Variants in LRP1B observed in about 807,000 individuals in gnomAD.
LRP1B encodes low-density lipoprotein receptor-related protein 1B.
A neutral mutation model predicts 556.6 loss-of-function variants in LRP1B; 217 were observed. The ratio of observed to expected loss-of-function variants is 0.39; its 90% CI spans 0.35 to 0.44. LRP1B has a LOEUF of 0.44. LRP1B is among the 20% of genes least tolerant of loss of function. The pLI, the probability that LRP1B is intolerant of heterozygous loss-of-function variation, is 1.00. For missense variants in LRP1B, 5,053 were observed against 5,620.8 expected, an observed-to-expected ratio of 0.90 and a Z score of 3.23; for synonymous variants, 2,047 against 1,865.8, an observed-to-expected ratio of 1.10 and a Z score of -2.50.
At chr2:140,806,887 A>G (rs1463031586) in intron 32 of LRP1B, among the ~76,000 whole-genome samples, 2 of 152,228 alleles carry the variant, frequency 1.3e-5, no homozygotes, top group Admixed American at 6.5e-5. Flanking sequence ...TTTGTTTTAC[A>G]TGTGTATTTT....
intron 3 of LRP1B, among the ~76,000 whole-genome samples, chr2:141,300,074 T>A (rs913116278): frequency 2.0e-5 from 3 of 152,196 alleles, no homozygotes; most frequent in Non-Finnish European, 2.9e-5. Flanking sequence ...TTCTGACACA[T>A]GAAGATACAA....
intron 76 of LRP1B, 129 bp from the exon 77 acceptor site, chr2:140,351,167 T>A: frequency 1.6e-6 from 1 of 608,404 alleles, no homozygotes. Context: ...TCAACCAGTT[T>A]TATATTGTCT....
At chr2:141,250,624 G>A (rs1301582535) in intron 4 of LRP1B, among the ~76,000 whole-genome samples, 4 of 152,142 alleles carry the variant, frequency 2.6e-5, no homozygotes, top group Non-Finnish European at 5.9e-5. Flanking sequence ...CTACATCTGA[G>A]GAGAGGGCTG....
At chr2:141,064,989 AG>A (rs1208050354) in intron 7 of LRP1B, among the ~76,000 whole-genome samples, 2 of 151,916 alleles carry the variant, frequency 1.3e-5, no homozygotes, top group Non-Finnish European at 2.9e-5. Context: ...GAGAGACAAA[AG>A]TACCAGATAA....
At chr2:141,920,046 T>G (rs1436744386) in intron 1 of LRP1B, among the ~76,000 whole-genome samples, 1 of 152,000 alleles carries the variant, frequency 6.6e-6, no homozygotes, top group Admixed American at 6.6e-5. Context: ...CTGGAACATG[T>G]AACCTTTTCA....
intron 43 of LRP1B, among the ~76,000 whole-genome samples, chr2:140,563,651 C>A (rs1180106855): frequency 6.6e-6 from 1 of 151,764 alleles, no homozygotes; most frequent in African/African-American, 2.4e-5. Context: ...ATTGATTCAT[C>A]ATGCCAACAT....
intron 20 of LRP1B, among the ~76,000 whole-genome samples, chr2:140,943,710 C>A (rs1042956036): frequency 1.3e-5 from 2 of 151,956 alleles, no homozygotes; most frequent in Non-Finnish European, 2.9e-5. Flanking sequence ...TTAAAAACTT[C>A]TTTGAAACAG....
chr2:141,708,024 G>T (rs902973443), intron 2 of LRP1B, among the ~76,000 whole-genome samples: 12 of 152,084 alleles, frequency 7.9e-5, no homozygotes, highest in Non-Finnish European at 1.5e-4. Context: ...TGCCTTCTAA[G>T]TGGCACATTA....
At chr2:141,177,763 C>T (rs1463724850) in intron 7 of LRP1B, among the ~76,000 whole-genome samples, 1 of 152,038 alleles carries the variant, frequency 6.6e-6, no homozygotes, top group Non-Finnish European at 1.5e-5. Context: ...ATATTAGAAA[C>T]TTCTACTTTC....
intron 60 of LRP1B, among the ~76,000 whole-genome samples, chr2:140,465,975 C>T (rs1687528843): frequency 6.6e-6 from 1 of 151,858 alleles, no homozygotes. Context: ...GTGAACTCTA[C>T]TGTTTGTAAT....
chr2:141,489,850 G>T (rs1683264952), intron 2 of LRP1B, among the ~76,000 whole-genome samples: 1 of 152,032 alleles, frequency 6.6e-6, no homozygotes. Flanking sequence ...TTACACTTGA[G>T]GATGCAAGAA....
chr2:141,912,808 A>G (rs1487952811), intron 1 of LRP1B, among the ~76,000 whole-genome samples: 2 of 152,092 alleles, frequency 1.3e-5, no homozygotes, highest in African/African-American at 4.8e-5. Flanking sequence ...TGTTAGACTA[A>G]CCCTTATCTT....
intron 3 of LRP1B, among the ~76,000 whole-genome samples, chr2:141,334,863 A>AT (rs1256153614): frequency 6.6e-6 from 1 of 151,914 alleles, no homozygotes; most frequent in Non-Finnish European, 1.5e-5. Flanking sequence ...AGTACATAAT[A>AT]TTTTTTTAAA....
chr2:140,532,612 G>T (rs957871070), intron 47 of LRP1B, among the ~76,000 whole-genome samples: 8 of 151,810 alleles, frequency 5.3e-5, no homozygotes, highest in African/African-American at 1.7e-4. Context: ...GACCAGGATG[G>T]TCTCAATCTC....
At chr2:140,820,516 G>A (rs189733822) in intron 31 of LRP1B, among the ~76,000 whole-genome samples, 1 of 152,146 alleles carries the variant, frequency 6.6e-6, no homozygotes, top group African/African-American at 2.4e-5. Context: ...CATATCCCGA[G>A]CCCTTGATGA....
At chr2:142,043,077 T>C (rs1704118973) in intron 1 of LRP1B, among the ~76,000 whole-genome samples, 1 of 151,582 alleles carries the variant, frequency 6.6e-6, no homozygotes, top group South Asian at 2.1e-4. Context: ...TTTCTTTACC[T>C]CTACCTAATC....
chr2:140,511,382 A>G (rs1689650581), intron 51 of LRP1B, among the ~76,000 whole-genome samples: 1 of 141,220 alleles, frequency 7.1e-6, no homozygotes, highest in Admixed American at 7.7e-5. Flanking sequence ...GCTCAATGCA[A>G]GCTCCGCCTC....
chr2:141,059,741 C>T (rs998285561), intron 8 of LRP1B, among the ~76,000 whole-genome samples: 2 of 151,788 alleles, frequency 1.3e-5, no homozygotes, highest in Non-Finnish European at 2.9e-5. Context: ...AACAGTCCAG[C>T]TCTTCTCTTT....
intron 27 of LRP1B, among the ~76,000 whole-genome samples, chr2:140,860,419 T>C (rs1278153444): frequency 2.0e-5 from 3 of 152,216 alleles, no homozygotes; most frequent in Non-Finnish European, 4.4e-5. Context: ...ATTTACTAGT[T>C]GCTATGTTTT....
Sources: allele counts gnomAD v4.1 joint callset (sites outside exome capture counted in the v4.1 genomes callset), GRCh38; gene constraint gnomAD v4.1.1; transcripts MANE v1.5; gene names NCBI Gene and HGNC (gene_info 2026-07-23, HGNC 2026-07-21).